L1CAM: variants seen among roughly 807,000 people sequenced by gnomAD.
The protein encoded by L1CAM is neural cell adhesion molecule L1.
Under a neutral mutation model 93.0 loss-of-function variants are expected in L1CAM, and 8 were observed. The observed-to-expected ratio is 0.09, with a 90% CI of 0.05 to 0.16. The LOEUF is 0.16. Among genes scored for constraint, L1CAM ranks in the 10% least tolerant of loss-of-function variants. L1CAM has a pLI of 1.00. For synonymous variants in L1CAM, 453 were observed against 453.0 expected (o/e 1.00, Z 0.00); for missense variants, 777 against 1,073.4 (o/e 0.72, Z 3.86).
rs7052999 is a variant in L1CAM, at chrX:153,863,583, G to A, written c.3458-34C>T. 38,381 of 1,148,254 alleles carry A rather than the reference G, an allele frequency of 0.033. 740 individuals carry two copies. The highest frequency in any genetic ancestry group is 0.12 in the African/African-American group (6,523 of 55,924). 94.6% of individuals were successfully genotyped at this position (1,148,254 alleles called of 1,213,427 possible). ...ACAGAGAGGGACAGCTTCTTCTCCC[G>A]CCCCAGCCTGACCCGGGGCTCCAGG... On this transcript the variant is annotated intron_variant, in intron 26 of 28. Transcript: ENST00000370060.
Position 153,880,658 on chromosome X carries a change from C to T in L1CAM, c.-108-4714G>A, listed in dbSNP as rs1293088649. 7 of 339,966 alleles carry T rather than the reference C, an allele frequency of 2.1e-5. No homozygotes were observed. In the East Asian group the frequency reaches 2.9e-4, roughly 14 times the overall value. The allele number at this position is 339,966 out of a possible 1,213,427, so 28.0% of individuals were successfully genotyped here. On this transcript the variant is annotated intron_variant, in intron 1 of 28. Transcript: ENST00000370060. ...CTTTAAGGCTCCCGCTGGCCCTCCC[C>T]GCCCCGCTCCCCAGGCCGTGGCTGG... is the stretch of plus-strand genomic sequence containing the variant.
intron 5 of L1CAM, 76 bp from the exon 6 acceptor site, chrX:153,871,255 G>T (rs1218090355): frequency 3.4e-6 from 3 of 890,348 alleles, no homozygotes; most frequent in Non-Finnish European, 4.8e-6. Context: ...GTGGGGGCAG[G>T]GGGGTGGCGG....
chrX:153,873,316 T>C, intron 2 of L1CAM, 74 bp from the exon 3 acceptor site: 1 of 1,048,877 alleles, frequency 9.5e-7, no homozygotes. Flanking sequence ...GTGGGGCAGA[T>C]GGCAGGGGAC....
At chrX:153,883,616 C>G (rs1394339333) in intron 1 of L1CAM, 2 of 284,630 alleles carry the variant, frequency 7.0e-6, no homozygotes, top group Non-Finnish European at 1.4e-5. Flanking sequence ...GCTGGGGACC[C>G]TAGAAGGGCA....
In L1CAM at chrX:153,861,766, A is replaced by AGTGTTAGTGGCGTAACT. The variant is rs2064662822; in HGVS notation, c.*896_*897insAGTTACGCCACTAACAC. 1 of 109,321 alleles carries AGTGTTAGTGGCGTAACT rather than the reference A, an allele frequency of 9.1e-6. No individual in the cohort carries two copies. The highest frequency in any genetic ancestry group is 1.9e-5 in the Non-Finnish European group (1 of 52,504). 9.0% of individuals were successfully genotyped at this position (109,321 alleles called of 1,213,427 possible). On this transcript the variant is annotated 3_prime_UTR_variant, in exon 29 of 29. Transcript: ENST00000370060. The stretch of plus-strand genomic sequence containing the variant: ...CACCTAGGGACTCAGACATCTGCCT[A>AGTGTTAGTGGCGTAACT]CACACTAGTGGCGTAAAGGGAAGGA...
In L1CAM at chrX:153,864,898, C is replaced by T. The variant is rs782430495; in HGVS notation, c.2969G>A (p.Arg990His). Reference protein sequence around the residue: ...LTDLSPHLRYRFQLQATTKEG... With the variant: ...LTDLSPHLRYHFQLQATTKEG... The stretch of plus-strand genomic sequence containing the variant: ...TTTGGTGGTGGCCTGAAGCTGGAAG[C>T]GGTACCGCAGGTGGGGGCTGAGATC... Residue 990 changes from arginine (R) to histidine (H), a missense_variant, in exon 23 of 29, where the codon CGC (arginine) becomes CAC (histidine). Coordinates refer to ENST00000370060, the MANE Select transcript of L1CAM (RefSeq NM_001278116.2). 5.8e-6 allele frequency: 7 copies of T among 1,211,164 alleles called. No homozygotes were observed. Among genetic ancestry groups the T allele is most frequent in the Admixed American group, 4.3e-5 (2 of 46,004 alleles).
rs782719825 is a variant in L1CAM at position 153,868,303 on chromosome X, T to C, written c.1702A>G (p.Lys568Glu). ...RDLQELGDSD[K>E]YFIEDGRLVI... The stretch of plus-strand genomic sequence containing the variant: ...CCCTTTCACCGTCACTGTCCTCACT[T>C]GTCACTGTCCCCAAGCTCCTGGAGG... Residue 568 changes from lysine (K) to glutamate (E), a missense_variant and splice_region_variant, in exon 14 of 29, where the codon AAG becomes GAG. Transcript: ENST00000370060. 1 of 1,211,807 alleles carries C rather than the reference T, an allele frequency of 8.3e-7. No homozygotes were observed. The highest frequency in any genetic ancestry group is 2.2e-5 in the Admixed American group (1 of 46,067).
intron 1 of L1CAM, chrX:153,884,523 T>C (rs1167143071): frequency 9.4e-6 from 2 of 212,870 alleles, no homozygotes; most frequent in African/African-American, 5.8e-5. Flanking sequence ...TAAGATGTAT[T>C]ACTTTCGGGA....
intron 28 of L1CAM, 101 bp from the exon 29 acceptor site, chrX:153,862,995 G>T: frequency 1.5e-6 from 1 of 664,206 alleles, no homozygotes; most frequent in Non-Finnish European, 2.3e-6. Context: ...CATTTGTTTA[G>T]AATGCGCTCA....
At chrX:153,880,274 C>CA in intron 1 of L1CAM, 1 of 146,467 alleles carries the variant, frequency 6.8e-6, no homozygotes, top group South Asian at 1.5e-4. Context: ...ACCACCACCA[C>CA]CACACACCTT....
Position 153,866,661 on chromosome X carries a change from A to G in L1CAM, c.2419T>C (p.Ser807Pro), listed in dbSNP as rs2064716032. 1.7e-6 allele frequency: 2 copies of G among 1,207,564 alleles called. No individual in the cohort carries two copies. Among genetic ancestry groups the G allele is most frequent in the African/African-American group, 3.5e-5 (2 of 57,122 alleles). ...GPEPQVTIGYSGEDYPQAIPE... is the reference protein window; with the variant it reads ...GPEPQVTIGYPGEDYPQAIPE... ...GCCGGATACTCACAGTCCTCTCCAG[A>G]GTAGCCGATAGTGACCTGGGGCTCT... Residue 807 changes from serine to proline, a missense_variant, in exon 19 of 29, where the codon TCT (serine) becomes CCT (proline). This residue lies in a region of L1CAM where 574 missense variants were observed against 781.0 expected (regional missense o/e 0.73). Transcript: ENST00000370060.
chrX:153,873,014 A>G (rs2064786311), intron 3 of L1CAM: 11 of 463,345 alleles, frequency 2.4e-5, no homozygotes, highest in Non-Finnish European at 3.8e-5. Flanking sequence ...ACCAGAGAGA[A>G]TGGCAGAGAG....
Position 153,861,881 on chromosome X carries a change from G to A in L1CAM, c.*782C>T. ...GAGGAAGACAACTGTTCAGACGATAGGGAGGGCAGGGCTGCTAAGGGGTCC... is the reference window on the plus strand; with the variant it reads ...GAGGAAGACAACTGTTCAGACGATAAGGAGGGCAGGGCTGCTAAGGGGTCC... On this transcript the variant is annotated 3_prime_UTR_variant, in exon 29 of 29. Transcript: ENST00000370060. 9.2e-6 allele frequency: 1 copy of A among 109,054 alleles called. No homozygotes were observed. Among genetic ancestry groups the A allele is most frequent in the Non-Finnish European group, 1.9e-5 (1 of 52,207 alleles). 9.0% of individuals were successfully genotyped at this position (109,054 alleles called of 1,213,427 possible). A position where few individuals can be genotyped will look rare whatever the true frequency, so the allele number is the denominator to read the frequency against.
chrX:153,868,554 G>T lies in L1CAM; in HGVS notation c.1546+7C>A. 1 of 1,212,383 alleles carries T rather than the reference G, an allele frequency of 8.2e-7. No individual in the cohort carries two copies. The highest frequency in any genetic ancestry group is 1.1e-6 in the Non-Finnish European group (1 of 895,560). ...CACTGCCAGCCATGTGGCAAGGGTT[G>T]CCTGACCTTTAACCTTCAGGTTAGC... is the stretch of plus-strand genomic sequence containing the variant. On this transcript the variant is annotated splice_region_variant and intron_variant, in intron 13 of 28. Coordinates refer to ENST00000370060, the MANE Select transcript of L1CAM (RefSeq NM_001278116.2).
chrX:153,878,779 C>G (rs1158229325), intron 1 of L1CAM, among the ~76,000 whole-genome samples: 1 of 111,684 alleles, frequency 9.0e-6, no homozygotes, highest in African/African-American at 3.3e-5. Context: ...TCCTCCAAAT[C>G]TAGAATCCTG....
chrX:153,864,560 C>G (rs1557090104), intron 24 of L1CAM, 25 bp downstream of exon 24: 9 of 1,206,616 alleles, frequency 7.5e-6, no homozygotes, highest in Middle Eastern at 4.6e-4. Context: ...CCCCACCACG[C>G]CCCAAGGCCC....
intron 14 of L1CAM, 26 bp from the exon 15 acceptor site, chrX:153,868,148 C>T (rs200669413): frequency 4.1e-6 from 5 of 1,207,998 alleles, no homozygotes; most frequent in Non-Finnish European, 5.6e-6. Flanking sequence ...GTCTGTCTTT[C>T]CTGCCATCTG....
Position 153,886,072 on chromosome X carries a change from GCGGCCACCGCT to G in L1CAM, c.-127_-117del, listed in dbSNP as rs2064879395. 3.5e-6 allele frequency: 1 copy of G among 283,688 alleles called. No individual in the cohort carries two copies. The highest frequency in any genetic ancestry group is 2.9e-5 in the African/African-American group (1 of 34,012). 23.4% of individuals were successfully genotyped at this position (283,688 alleles called of 1,213,427 possible). On this transcript the variant is annotated 5_prime_UTR_variant, in exon 1 of 29. Transcript: ENST00000370060. The stretch of plus-strand genomic sequence containing the variant: ...GAGGCCAGCCCGCCTTACCTGCGCT[GCGGCCACCGCT>G]CGGGCTGCCCGCCCAGCCTCCGCGC...
chrX:153,865,098 G>C lies in L1CAM; in HGVS notation c.2862C>G (p.Ser954=). ...HNGVLTGYVL[S]YHPLDEGGKG... ...GGGCGGCGCACGCACGGGGGTGGTA[G>C]GAGAGCACGTAGCCGGTGAGCACGC... Residue 954 remains serine, a synonymous_variant, in exon 22 of 29, where the codon TCC becomes TCG. Transcript: ENST00000370060. 1 of 1,211,222 alleles carries C rather than the reference G, an allele frequency of 8.3e-7. No homozygotes were observed. Among genetic ancestry groups the C allele is most frequent in the South Asian group, 1.8e-5 (1 of 57,012 alleles).
Sources: allele counts gnomAD v4.1 joint callset (sites outside exome capture counted in the v4.1 genomes callset), GRCh38; gene constraint gnomAD v4.1.1; regional missense constraint gnomAD v4.1.1; transcripts MANE v1.5; gene names NCBI Gene and HGNC (gene_info 2026-07-23, HGNC 2026-07-21).